VPS13B: variants seen among roughly 807,000 people sequenced by gnomAD.
VPS13B encodes the protein vacuolar protein sorting 13 homolog B, also known as intermembrane lipid transfer protein VPS13B.
In VPS13B, 285 loss-of-function variants were observed where a neutral mutation model predicts 426.4. That is an observed-to-expected ratio of 0.67 (90% confidence interval 0.61 to 0.74). The LOEUF is 0.74. Among genes scored for constraint, VPS13B ranks in the 30% least tolerant of loss-of-function variants. The pLI is 0.00. For synonymous variants in VPS13B, 1,676 were observed against 1,676.4 expected (o/e 1.00, Z 0.01); for missense variants, 4,537 against 4,782.6 (o/e 0.95, Z 1.51).
chr8:99,045,168 C>T (rs1048236654), intron 3 of VPS13B, among the ~76,000 whole-genome samples: 5 of 152,188 alleles, frequency 3.3e-5, no homozygotes, highest in South Asian at 2.1e-4. Context: ...ACATTCCCAC[C>T]AGCAGTGTAG....
At chr8:99,539,029 A>G (rs145448181) in intron 30 of VPS13B, among the ~76,000 whole-genome samples, 11 of 152,204 alleles carry the variant, frequency 7.2e-5, no homozygotes, top group African/African-American at 2.7e-4. Flanking sequence ...ATTTTATTCC[A>G]TAAGAAAGTA....
intron 35 of VPS13B, among the ~76,000 whole-genome samples, chr8:99,687,549 A>G (rs909637454): frequency 1.3e-5 from 2 of 151,932 alleles, no homozygotes; most frequent in Non-Finnish European, 2.9e-5. Flanking sequence ...GGGATGGTCT[A>G]AATACTCCCT....
chr8:99,028,804 A>G (rs1374212899), intron 2 of VPS13B, among the ~76,000 whole-genome samples: 1 of 86,456 alleles, frequency 1.2e-5, no homozygotes, highest in Non-Finnish European at 2.3e-5. Context: ...CGGGCAGAGG[A>G]GCCCCTCACC....
intron 36 of VPS13B, among the ~76,000 whole-genome samples, chr8:99,705,284 C>G (rs1488812739): frequency 6.6e-6 from 1 of 151,994 alleles, no homozygotes; most frequent in African/African-American, 2.4e-5. Context: ...ATAAGAAGAA[C>G]AAGTAAAATT....
chr8:99,372,265 AC>A (rs769191449), intron 19 of VPS13B, among the ~76,000 whole-genome samples: 146 of 149,178 alleles, frequency 9.8e-4, no homozygotes, highest in Middle Eastern at 3.5e-3. Flanking sequence ...AAAAAAAAAA[AC>A]AAAAAACACC....
At chr8:99,442,262 T>C in intron 22 of VPS13B, 139 bp from the exon 23 acceptor site, 1 of 722,246 alleles carries the variant, frequency 1.4e-6, no homozygotes, top group Non-Finnish European at 2.3e-6. Flanking sequence ...TTTTAAAATA[T>C]TCATTAGTGA....
At chr8:99,248,712 A>G (rs914906789) in intron 17 of VPS13B, among the ~76,000 whole-genome samples, 55 of 152,330 alleles carry the variant, frequency 3.6e-4, no homozygotes, top group African/African-American at 1.3e-3. Context: ...TGTTAAAAGG[A>G]TAACAAATAG....
intron 25 of VPS13B, among the ~76,000 whole-genome samples, chr8:99,490,925 T>G (rs2133580309): frequency 6.6e-6 from 1 of 152,298 alleles, no homozygotes; most frequent in African/African-American, 2.4e-5. Context: ...TTGATCTTAG[T>G]TATTTCTTGT....
Position 99,577,498 on chromosome 8 carries a change from A to G in VPS13B, c.5085A>G (p.Leu1695=). ...TACCGTTTTTGCTTCAGGAGATTTT[A>G]GTGTGTGGCCATTCCTTAGAAGTGA... ...SPENLHTEEI[L]VCGHSLEVNI... Residue 1695 remains leucine (L), a synonymous_variant, in exon 33 of 62, where the codon TTA becomes TTG. Coordinates refer to ENST00000357162, the MANE Select transcript of VPS13B (RefSeq NM_152564.5). 6.2e-7 allele frequency: 1 copy of G among 1,613,800 alleles called. No individual in the cohort carries two copies. Among genetic ancestry groups the G allele is most frequent in the Non-Finnish European group, 8.5e-7 (1 of 1,179,728 alleles).
At position 99,806,324 on chromosome 8, in the gene VPS13B, A is replaced by G. The variant is rs561210212; in HGVS notation, c.7942-3051A>G. Among the ~76,000 whole-genome samples, 4 of 152,276 alleles carry G rather than the reference A, an allele frequency of 2.6e-5. No homozygotes were observed. The South Asian group carries it at 6.2e-4, about 24-fold the overall frequency. Reference sequence around the variant, plus strand: ...ATGTGTACTACTTTGCACATCTCACATTGTCTTTTTGGCATGGGAAGGAAC... The same window carrying G: ...ATGTGTACTACTTTGCACATCTCACGTTGTCTTTTTGGCATGGGAAGGAAC... On this transcript the variant is annotated intron_variant, in intron 43 of 61. Transcript: ENST00000357162.
At chr8:99,152,697 G>A (rs1178356763) in intron 14 of VPS13B, among the ~76,000 whole-genome samples, 2 of 152,094 alleles carry the variant, frequency 1.3e-5, no homozygotes, top group Non-Finnish European at 2.9e-5. Flanking sequence ...GTTAGGGACT[G>A]TTATGTCTTT....
At chr8:99,315,202 C>G (rs1821253315) in intron 19 of VPS13B, among the ~76,000 whole-genome samples, 1 of 152,154 alleles carries the variant, frequency 6.6e-6, no homozygotes, top group Non-Finnish European at 1.5e-5. Flanking sequence ...AAGTTTTCAG[C>G]TACTATTTCA....
At chr8:99,156,497 C>T (rs1811372092) in intron 14 of VPS13B, 52 bp from the exon 15 acceptor site, 2 of 1,588,324 alleles carry the variant, frequency 1.3e-6, no homozygotes, top group Non-Finnish European at 1.7e-6. Context: ...GGAACTGCAA[C>T]TCAGTCACTG....
chr8:99,631,231 T>G (rs752848112), intron 33 of VPS13B, among the ~76,000 whole-genome samples: 2 of 152,154 alleles, frequency 1.3e-5, no homozygotes, highest in Non-Finnish European at 2.9e-5. Context: ...TTGTGTCTCA[T>G]TCAATTGGTT....
At chr8:99,445,039 G>A (rs1353927393) in intron 23 of VPS13B, among the ~76,000 whole-genome samples, 3 of 151,750 alleles carry the variant, frequency 2.0e-5, no homozygotes, top group South Asian at 2.1e-4. Flanking sequence ...GGCTGGTCTC[G>A]AACTCCTGAC....
intron 3 of VPS13B, among the ~76,000 whole-genome samples, chr8:99,085,326 T>G (rs1028071151): frequency 6.6e-6 from 1 of 152,206 alleles, no homozygotes; most frequent in African/African-American, 2.4e-5. Context: ...CTCCATCCCT[T>G]TATTTTGAGC....
At chr8:99,462,922 T>C (rs1818913331) in intron 23 of VPS13B, among the ~76,000 whole-genome samples, 1 of 152,190 alleles carries the variant, frequency 6.6e-6, no homozygotes, top group African/African-American at 2.4e-5. Flanking sequence ...AGCACCTTGA[T>C]ACTAGAACTC....
intron 21 of VPS13B, among the ~76,000 whole-genome samples, chr8:99,394,201 TTC>T (rs1814610672): frequency 1.3e-5 from 2 of 152,320 alleles, no homozygotes; most frequent in East Asian, 1.9e-4. Flanking sequence ...TTCATTTTAT[TTC>T]TGAGTTCTTA....
chr8:99,466,715 G>GAAC (rs1819129934), intron 23 of VPS13B, among the ~76,000 whole-genome samples: 1 of 152,050 alleles, frequency 6.6e-6, no homozygotes, highest in South Asian at 2.1e-4. Context: ...ATAATCTAGG[G>GAAC]AACATATCAA....
Sources: gnomAD v4.1 joint callset for allele counts (sites outside exome capture counted in the v4.1 genomes callset) on GRCh38, gnomAD v4.1.1 for gene constraint, MANE v1.5 for transcripts, NCBI Gene and HGNC (gene_info 2026-07-23, HGNC 2026-07-21) for gene names.